The following BFSP2 variants were observed in gnomAD, a reference collection of about 807,000 sequenced individuals.
The protein encoded by BFSP2 is phakinin.
BFSP2 carries 38 observed loss-of-function variants against 44.9 expected under a neutral mutation model. The ratio of observed to expected loss-of-function variants is 0.85; its 90% CI spans 0.65 to 1.11. The LOEUF is 1.11. BFSP2 is among the 50% of genes least tolerant of loss of function. The probability of loss-of-function intolerance (pLI) is 0.00; values close to 1 mark genes in which losing one functional copy is unlikely to be tolerated. For synonymous variants in BFSP2, 197 were observed against 209.9 expected, an observed-to-expected ratio of 0.94 and a Z score of 0.53; for missense variants, 525 against 533.0, an observed-to-expected ratio of 0.99 and a Z score of 0.15.
chr3:133,424,203 G>T (rs1194931567), intron 1 of BFSP2, among the ~76,000 whole-genome samples: 1 of 49,522 alleles, frequency 2.0e-5, no homozygotes, highest in South Asian at 8.1e-4. Flanking sequence ...CTACCACCGC[G>T]TCCAGCTAAT....
intron 1 of BFSP2, among the ~76,000 whole-genome samples, chr3:133,419,118 G>C (rs2073570354): frequency 6.6e-6 from 1 of 151,954 alleles, no homozygotes; most frequent in African/African-American, 2.4e-5. Context: ...CCTCACACAG[G>C]CTTCCCTCTG....
intron 4 of BFSP2, among the ~76,000 whole-genome samples, chr3:133,456,576 G>A (rs936456079): frequency 2.0e-5 from 3 of 152,030 alleles, no homozygotes; most frequent in African/African-American, 7.2e-5. Context: ...GCAAAACCCT[G>A]TCTCCACAAA....
At chr3:133,436,508 T>C (rs2073783493) in intron 1 of BFSP2, among the ~76,000 whole-genome samples, 1 of 152,160 alleles carries the variant, frequency 6.6e-6, no homozygotes. Flanking sequence ...AGTGAGGAAC[T>C]GCCATGGCAT....
chr3:133,468,857 G>A (rs897073297), intron 5 of BFSP2, among the ~76,000 whole-genome samples: 12 of 152,210 alleles, frequency 7.9e-5, no homozygotes, highest in African/African-American at 2.9e-4. Context: ...GCAAGTGTGA[G>A]CCACTTTAGG....
chr3:133,470,740 G>A (rs2074154670), intron 5 of BFSP2, among the ~76,000 whole-genome samples: 2 of 152,228 alleles, frequency 1.3e-5, no homozygotes. Context: ...GGACTACAGA[G>A]ACTTGGTTCC....
intron 1 of BFSP2, among the ~76,000 whole-genome samples, chr3:133,403,097 C>T (rs538543495): frequency 6.6e-6 from 1 of 152,154 alleles, no homozygotes; most frequent in African/African-American, 2.4e-5. Context: ...CCCCACCAGG[C>T]CCCCACCCCT....
At chr3:133,415,474 A>G (rs1384078148) in intron 1 of BFSP2, among the ~76,000 whole-genome samples, 3 of 85,062 alleles carry the variant, frequency 3.5e-5, no homozygotes, top group East Asian at 7.1e-4. Context: ...TCTCCCCTCT[A>G]CTCACCCCTA....
rs55729145 is a variant in BFSP2, at chr3:133,468,096, A to T, written c.1023+1137A>T. On this transcript the variant is annotated intron_variant, in intron 5 of 6. Transcript: ENST00000302334. ...TGAGCATGCTCTTCTGACTCTTAGC[A>T]TTATTTTGAGAACTTGCTATGTTCC... Among the ~76,000 whole-genome samples, 678 of 152,264 alleles carry T rather than the reference A, an allele frequency of 4.5e-3. 5 individuals are homozygous for T. Among genetic ancestry groups the T allele is most frequent in the African/African-American group, 0.016 (648 of 41,542 alleles).
At chr3:133,461,279 A>G (rs2074059332) in intron 4 of BFSP2, among the ~76,000 whole-genome samples, 1 of 152,160 alleles carries the variant, frequency 6.6e-6, no homozygotes, top group African/African-American at 2.4e-5. Context: ...CTCTTCTCAC[A>G]TCCTTCATGT....
At chr3:133,450,027 A>AGGGG (rs10689448) in intron 3 of BFSP2, among the ~76,000 whole-genome samples, 2 of 67,722 alleles carry the variant, frequency 3.0e-5, no homozygotes, top group Non-Finnish European at 5.6e-5. Flanking sequence ...GGAGGGAGGG[A>AGGGG]GGGGGAGGGA....
chr3:133,411,016 T>C (rs1223186650), intron 1 of BFSP2, among the ~76,000 whole-genome samples: 1 of 152,244 alleles, frequency 6.6e-6, no homozygotes, highest in African/African-American at 2.4e-5. Context: ...TAGAGACCTG[T>C]TAGCTCCCCT....
At chr3:133,402,261 A>C (rs1441510580) in intron 1 of BFSP2, among the ~76,000 whole-genome samples, 1 of 152,218 alleles carries the variant, frequency 6.6e-6, no homozygotes, top group African/African-American at 2.4e-5. Flanking sequence ...TACTCAATAG[A>C]TACTGACTTG....
intron 1 of BFSP2, among the ~76,000 whole-genome samples, chr3:133,414,548 TCTACTCACCC>T (rs2073491028): frequency 1.2e-5 from 1 of 80,352 alleles, no homozygotes. Context: ...TACTCACCCC[TCTACTCACCC>T]CTGCCCTCTC....
At chr3:133,405,777 G>A (rs2073398893) in intron 1 of BFSP2, among the ~76,000 whole-genome samples, 1 of 152,176 alleles carries the variant, frequency 6.6e-6, no homozygotes, top group Non-Finnish European at 1.5e-5. Context: ...GGACACTACA[G>A]TATGGTTAGA....
rs978530122 is a variant in BFSP2, at chr3:133,472,332, C to T, written c.1024-13C>T. The T allele has an allele frequency of 3.1e-6, 5 of 1,605,610 alleles. No individual in the cohort carries two copies. The highest frequency in any genetic ancestry group is 1.3e-5 in the African/African-American group (1 of 74,878). ...GTTGTCCTCGGGTTTGGACCGGGTTCGCTCTTTTGTAGAAACGAGGCCTGG... is the reference window on the plus strand; with the variant it reads ...GTTGTCCTCGGGTTTGGACCGGGTTTGCTCTTTTGTAGAAACGAGGCCTGG... On this transcript the variant is annotated splice_polypyrimidine_tract_variant and intron_variant, in intron 5 of 6. Transcript: ENST00000302334.
chr3:133,475,199 G>T lies in BFSP2; in HGVS notation c.*227G>T, dbSNP rs1179383881. The T allele has an allele frequency of 1.3e-5, 8 of 631,730 alleles. No individual in the cohort carries two copies. Among genetic ancestry groups the T allele is most frequent in the Non-Finnish European group, 2.2e-5 (8 of 361,720 alleles). 39.1% of individuals were successfully genotyped at this position (631,730 alleles called of 1,614,324 possible). On this transcript the variant is annotated 3_prime_UTR_variant, in exon 7 of 7. Transcript: ENST00000302334. ...CCTCCTTCAAATAAATGCTTTGTGC[G>T]CAGCGTCCAGTTTGCCCACCTTGTT...
intron 4 of BFSP2, among the ~76,000 whole-genome samples, chr3:133,460,395 A>T (rs1436801963): frequency 6.6e-6 from 1 of 152,226 alleles, no homozygotes; most frequent in East Asian, 1.9e-4. Context: ...TGGACAGACC[A>T]CATGAATGGG....
At chr3:133,427,379 G>A (rs9847509) in intron 1 of BFSP2, among the ~76,000 whole-genome samples, 147,702 of 152,358 alleles carry the variant, frequency 0.97, 71,675 homozygotes, top group African/African-American at 0.99. Context: ...CTTTTTACAG[G>A]TAAAGAAACT....
Position 133,448,434 on chromosome 3 carries a change from G to C in BFSP2, c.573-55G>C, listed in dbSNP as rs1280958706. The C allele has an allele frequency of 7.5e-6, 12 of 1,601,762 alleles. No individual in the cohort carries two copies. The East Asian group carries it at 2.5e-4, about 33-fold the overall frequency. On this transcript the variant is annotated intron_variant, in intron 2 of 6. Coordinates refer to ENST00000302334, the MANE Select transcript of BFSP2 (RefSeq NM_003571.4). ...GGCCTGTTGGTAACATTTATAATCT[G>C]ATTCTTTTTCTTTTGGGCTACTCAG...
Sources: allele counts gnomAD v4.1 joint callset (sites outside exome capture counted in the v4.1 genomes callset), GRCh38; gene constraint gnomAD v4.1.1; transcripts MANE v1.5; gene names NCBI Gene and HGNC (gene_info 2026-07-23, HGNC 2026-07-21).